MCM5: variants seen among roughly 807,000 people sequenced by gnomAD.
MCM5 encodes the protein minichromosome maintenance complex component 5, also known as DNA replication licensing factor MCM5.
Under a neutral mutation model 79.9 loss-of-function variants are expected in MCM5, and 46 were observed. The ratio of observed to expected loss-of-function variants is 0.58; its 90% CI spans 0.45 to 0.74. The LOEUF is 0.74. Among genes scored for constraint, MCM5 ranks in the 30% least tolerant of loss-of-function variants. MCM5 has a pLI of 0.00. For synonymous variants in MCM5, 404 were observed against 390.5 expected (o/e 1.03, Z -0.41); for missense variants, 883 against 1,017.0 (o/e 0.87, Z 1.79).
At chr22:35,439,410 CCCACATATTCATTCATCCAT>C in the MCM5 span, among the ~76,000 whole-genome samples, 1 of 105,146 alleles carries the variant, frequency 9.5e-6, no homozygotes, top group African/African-American at 3.9e-5. Context: ...CACCCACCCA[CCCACATATTCATTCATCCAT>C]CCACCCACAT....
At chr22:35,402,253 A>G (rs964238521) in intron 2 of MCM5, among the ~76,000 whole-genome samples, 22 of 151,900 alleles carry the variant, frequency 1.4e-4, no homozygotes, top group African/African-American at 4.8e-4. Context: ...AAAAAAAAAC[A>G]GTCTGACTAG....
At chr22:35,448,532 G>A in the MCM5 span, among the ~76,000 whole-genome samples, 21 of 152,304 alleles carry the variant, frequency 1.4e-4, no homozygotes, top group African/African-American at 4.6e-4. Context: ...CTGAAGTTCC[G>A]CAGTGCCCCA....
At chr22:35,401,806 C>A (rs1932062429) in intron 2 of MCM5, 27 of 431,530 alleles carry the variant, frequency 6.3e-5, no homozygotes, top group South Asian at 4.4e-4. Context: ...ATTTCCTCCA[C>A]AGAGGAAGGT....
In MCM5 at chr22:35,416,784, C is replaced by A; in HGVS notation, c.1560C>A (p.Val520=). ...ILSRFDMIFI[V]KDEHNEERDV... The stretch of plus-strand genomic sequence containing the variant: ...CGCGCTTCGACATGATCTTCATCGT[C>A]AAGGATGAGCACAATGAGGAGAGGG... Residue 520 remains valine, a synonymous_variant, in exon 12 of 17, where the codon GTC becomes GTA. Transcript: ENST00000216122. 2.5e-6 allele frequency: 4 copies of A among 1,614,010 alleles called. No homozygotes were observed. The highest frequency in any genetic ancestry group is 3.4e-6 in the Non-Finnish European group (4 of 1,180,028).
chr22:35,414,066 A>T, intron 9 of MCM5, 80 bp downstream of exon 9: 3 of 865,472 alleles, frequency 3.5e-6, no homozygotes, highest in Non-Finnish European at 5.8e-6. Flanking sequence ...TCCTCAGGAC[A>T]CCTGTGGTGG....
chr22:35,438,876 CATCCATCCATCCATCT>C, the MCM5 span, among the ~76,000 whole-genome samples: 1 of 149,458 alleles, frequency 6.7e-6, no homozygotes, highest in East Asian at 2.0e-4. Flanking sequence ...TCCATCCATC[CATCCATCCATCCATCT>C]ACATATCCAT....
chr22:35,408,071 T>G (rs1402440583), intron 5 of MCM5, among the ~76,000 whole-genome samples: 1 of 152,144 alleles, frequency 6.6e-6, no homozygotes, highest in Admixed American at 6.6e-5. Flanking sequence ...TGAGTGGGGC[T>G]TTAGTAAGAG....
At chr22:35,423,534 G>C in intron 16 of MCM5, 193 bp downstream of exon 16, 1 of 517,124 alleles carries the variant, frequency 1.9e-6, no homozygotes, top group East Asian at 3.6e-5. Context: ...GAGCAGGGAT[G>C]GGGGTATTTT....
chr22:35,453,453 T>G, the MCM5 span, among the ~76,000 whole-genome samples: 3 of 145,416 alleles, frequency 2.1e-5, no homozygotes, highest in African/African-American at 5.3e-5. Flanking sequence ...GACAGAGAGA[T>G]AGAAACAGAG....
rs749229867 is a variant in MCM5, at chr22:35,419,971, G to A, written c.1791G>A (p.Glu597=). 1 of 1,612,744 alleles carries A rather than the reference G, an allele frequency of 6.2e-7. No homozygotes were observed. Among genetic ancestry groups the A allele is most frequent in the Non-Finnish European group, 8.5e-7 (1 of 1,179,442 alleles). ...IIMRSGARQH[E]RDSDRRSSIP... is the part of the protein sequence containing the mutation. ...TGCGGAGCGGGGCCCGTCAGCACGA[G>A]AGGGACAGTGACCGCCGCTCCAGCA... The change falls in exon 14 of 17, where the codon GAG becomes GAA. Residue 597 remains glutamate (E), a synonymous_variant. Transcript: ENST00000216122.
At chr22:35,412,741 A>G (rs1932423982) in intron 8 of MCM5, 60 bp downstream of exon 8, 1 of 1,327,384 alleles carries the variant, frequency 7.5e-7, no homozygotes, top group East Asian at 2.7e-5. Context: ...TCACAGTAGG[A>G]TAATTACTGG....
chr22:35,447,682 G>A, the MCM5 span, among the ~76,000 whole-genome samples: 1 of 152,056 alleles, frequency 6.6e-6, no homozygotes, highest in East Asian at 1.9e-4. Flanking sequence ...GGCCGGGCTG[G>A]TCTCGGACTC....
the MCM5 span, among the ~76,000 whole-genome samples, chr22:35,452,299 A>C: frequency 7.9e-5 from 12 of 150,946 alleles, no homozygotes; most frequent in Non-Finnish European, 7.4e-5. Flanking sequence ...GGCCTCGACC[A>C]CACCACTTTT....
the MCM5 span, among the ~76,000 whole-genome samples, chr22:35,448,142 C>T: frequency 6.6e-6 from 1 of 152,204 alleles, no homozygotes; most frequent in Non-Finnish European, 1.5e-5. Context: ...GAGGAGTCAG[C>T]ATGAGGACCT....
chr22:35,443,487 C>T, the MCM5 span, among the ~76,000 whole-genome samples: 3 of 152,334 alleles, frequency 2.0e-5, no homozygotes, highest in East Asian at 3.9e-4. Context: ...ACATGTCTGG[C>T]GTCAAGGTGC....
At chr22:35,450,230 C>A in the MCM5 span, among the ~76,000 whole-genome samples, 2 of 152,144 alleles carry the variant, frequency 1.3e-5, no homozygotes, top group South Asian at 4.1e-4. Context: ...GAACATGGCC[C>A]ACGGTTGAGT....
At chr22:35,428,970 CTTTTTTTTTTTTT>C (rs35549972), downstream of MCM5, among the ~76,000 whole-genome samples, 12 of 65,516 alleles carry the variant, frequency 1.8e-4, no homozygotes, top group East Asian at 4.5e-4. Flanking sequence ...TTTCTTTGAC[CTTTTTTTTTTTTT>C]TTTTTTTTTT....
chr22:35,428,360 T>C (rs1932791273), downstream of MCM5, among the ~76,000 whole-genome samples: 1 of 151,446 alleles, frequency 6.6e-6, no homozygotes, highest in South Asian at 2.1e-4. Flanking sequence ...TGGTTCTCAC[T>C]GTGTTGCCCA....
At chr22:35,419,367 C>T (rs1478262050) in intron 13 of MCM5, among the ~76,000 whole-genome samples, 1 of 152,178 alleles carries the variant, frequency 6.6e-6, no homozygotes, top group Non-Finnish European at 1.5e-5. Flanking sequence ...TCAGACTTCC[C>T]CACACCTACC....
Sources: gnomAD v4.1 joint callset for allele counts (sites outside exome capture counted in the v4.1 genomes callset) on GRCh38, gnomAD v4.1.1 for gene constraint, MANE v1.5 for transcripts, NCBI Gene and HGNC (gene_info 2026-07-23, HGNC 2026-07-21) for gene names.